Variants in TFEB observed in about 807,000 individuals in gnomAD.
TFEB encodes the protein transcription factor EB, also known as T-cell transcription factor EB.
Under a neutral mutation model 48.0 loss-of-function variants are expected in TFEB, and 12 were observed. The ratio of observed to expected loss-of-function variants is 0.25; its 90% CI spans 0.16 to 0.40. The LOEUF (loss-of-function observed/expected upper bound fraction) is 0.40, where lower values mean the gene tolerates loss of function less well. TFEB is among the 10% of genes least tolerant of loss of function. TFEB has a pLI of 1.00. For missense variants in TFEB, 509 were observed against 640.3 expected (o/e 0.79, Z 2.21); for synonymous variants, 244 against 261.4 (o/e 0.93, Z 0.64).
chr6:41,687,893 A>G lies in TFEB; in HGVS notation c.670+15T>C, dbSNP rs768695619. 4 of 1,612,130 alleles carry G rather than the reference A, an allele frequency of 2.5e-6. No homozygotes were observed. In the South Asian group the frequency reaches 4.4e-5, roughly 18 times the overall value. ...GTCGGGTATTCAAAGGCACAGGGGT[A>G]GAGGGAGGCAGTACCTGTGAGCTCT... On this transcript the variant is annotated intron_variant, in intron 5 of 8. Coordinates refer to ENST00000373033, the MANE Select transcript of TFEB (RefSeq NM_001271944.2).
chr6:41,698,704 G>A (rs1475257035), intron 1 of TFEB, among the ~76,000 whole-genome samples: 2 of 152,132 alleles, frequency 1.3e-5, no homozygotes, highest in Non-Finnish European at 2.9e-5. Flanking sequence ...GAAACTGACC[G>A]CTAAACAAAA....
Position 41,723,484 on chromosome 6 carries a change from A to T in TFEB, c.-23+11866T>A. 2.3e-6 allele frequency: 3 copies of T among 1,289,462 alleles called. No homozygotes were observed. The South Asian group carries it at 3.7e-5, about 16-fold the overall frequency. The allele number at this position is 1,289,462 out of a possible 1,614,324, so 79.9% of individuals were successfully genotyped here. Reference sequence around the variant, plus strand: ...ACCTTCGAGAGGGCAGCCCCCTGGAAGGAGGCCCCTGGAATGCTCAGCTCC... The same window carrying T: ...ACCTTCGAGAGGGCAGCCCCCTGGATGGAGGCCCCTGGAATGCTCAGCTCC... On this transcript the variant is annotated intron_variant, in intron 1 of 8. Coordinates refer to ENST00000373033, the MANE Select transcript of TFEB (RefSeq NM_001271944.2). This position sits in a 1 kb window ranked among gnomAD's most constrained non-coding sequence, Gnocchi z 6.0.
Position 41,735,343 on chromosome 6 carries a change from C to T in TFEB, c.-23+7G>A, listed in dbSNP as rs561817438. On this transcript the variant is annotated splice_region_variant and intron_variant, in intron 1 of 8. Transcript: ENST00000373033. ...CCTCGTGCCTCTCGCTCCCCGGTCC[C>T]GCTCACCTCGCTCTGAAGGTCAATC... 1.6e-5 allele frequency: 16 copies of T among 985,136 alleles called. No homozygotes were observed. The African/African-American group carries it at 2.6e-4, about 16-fold the overall frequency. The allele number at this position is 985,136 out of a possible 1,614,324, so 61.0% of individuals were successfully genotyped here.
Position 41,684,773 on chromosome 6 carries a change from C to T in TFEB, c.1257G>A (p.Pro419=), listed in dbSNP as rs752025803. Residue 419 remains proline, a synonymous_variant, in exon 9 of 9, where the codon CCG becomes CCA. Coordinates refer to ENST00000373033, the MANE Select transcript of TFEB (RefSeq NM_001271944.2). ...GGCTGGGGAATGGGGAGCCATGCCC[C>T]GGCGCCAGGGGTTCGGGGTAGCCCG... ...GPPGYPEPLA[P]GHGSPFPSLS... is the part of the protein sequence containing the mutation. 1.5e-4 allele frequency: 244 copies of T among 1,611,482 alleles called. No individual in the cohort carries two copies. Among genetic ancestry groups the T allele is most frequent in the Non-Finnish European group, 1.9e-4 (219 of 1,179,038 alleles).
rs1019767493 is a variant in TFEB at position 41,691,694 on chromosome 6, G to A, written c.-22-459C>T. Among the ~76,000 whole-genome samples the A allele has an allele frequency of 6.6e-6, 1 of 152,094 alleles. No individual in the cohort carries two copies. The highest frequency in any genetic ancestry group is 1.5e-5 in the Non-Finnish European group (1 of 68,024). On this transcript the variant is annotated intron_variant, in intron 1 of 8. Coordinates refer to ENST00000373033, the MANE Select transcript of TFEB (RefSeq NM_001271944.2). The surrounding 1 kb of genome is among the most constrained non-coding windows in gnomAD (Gnocchi z 5.2). ...GACGTTCTACTGGCAACTCAGTAGA[G>A]CAACTCATTTAACTCCTGTTAAATC...
Position 41,735,481 on chromosome 6 carries a change from G to C in TFEB, c.-154C>G. The C allele has an allele frequency of 3.0e-6, 3 of 984,682 alleles. No homozygotes were observed. Among genetic ancestry groups the C allele is most frequent in the Non-Finnish European group, 3.6e-6 (3 of 829,724 alleles). 61.0% of individuals were successfully genotyped at this position (984,682 alleles called of 1,614,324 possible). On this transcript the variant is annotated 5_prime_UTR_variant, in exon 1 of 9. Coordinates refer to ENST00000373033, the MANE Select transcript of TFEB (RefSeq NM_001271944.2). Reference sequence around the variant, plus strand: ...CCTGCTCCGGCCCCGTGCCACCAGGGAGGCCCGCCCCGTCCGCCCTTCCCG... The same window carrying C: ...CCTGCTCCGGCCCCGTGCCACCAGGCAGGCCCGCCCCGTCCGCCCTTCCCG...
At position 41,691,143 on chromosome 6, in the gene TFEB, C is replaced by T. The variant is rs779275045; in HGVS notation, c.71G>A (p.Arg24His). Residue 24 changes from arginine to histidine, a missense_variant, in exon 2 of 9, where the codon CGC becomes CAC. Physicochemically the swap from Arg to His is conservative, Grantham distance 29. This residue lies in a region of TFEB where 251 missense variants were observed against 317.2 expected (regional missense o/e 0.79). Coordinates refer to ENST00000373033, the MANE Select transcript of TFEB (RefSeq NM_001271944.2). The surrounding 1 kb of genome is among the most constrained non-coding windows in gnomAD (Gnocchi z 5.2). Reference sequence around the variant, plus strand: ...ATGCATGACAGCCTGTTGCTGCATGCGCTCCCGCTGCTCCTCCTGCTGCGC... The same window carrying T: ...ATGCATGACAGCCTGTTGCTGCATGTGCTCCCGCTGCTCCTCCTGCTGCGC... ...EQAQQEEQRE[R>H]MQQQAVMHYM... 20 of 1,588,336 alleles carry T rather than the reference C, an allele frequency of 1.3e-5. No homozygotes were observed. Among genetic ancestry groups the T allele is most frequent in the Admixed American group, 5.2e-5 (3 of 57,188 alleles).
intron 1 of TFEB, among the ~76,000 whole-genome samples, chr6:41,702,789 A>C (rs1030936677): frequency 2.0e-5 from 3 of 152,170 alleles, no homozygotes; most frequent in Non-Finnish European, 4.4e-5. Flanking sequence ...AAGCCTACCT[A>C]AGGCCAGAGT....
intron 1 of TFEB, among the ~76,000 whole-genome samples, chr6:41,727,364 A>G (rs570315670): frequency 5.1e-4 from 78 of 152,294 alleles, no homozygotes; most frequent in African/African-American, 1.8e-3. Flanking sequence ...AACTAGATGG[A>G]GGCTCAGAGG....
intron 6 of TFEB, 94 bp downstream of exon 6, chr6:41,687,659 C>G (rs1386337788): frequency 1.0e-5 from 16 of 1,525,004 alleles, no homozygotes; most frequent in South Asian, 2.3e-5. Flanking sequence ...AGCAGGGAAG[C>G]CTTCCACCAG....
intron 4 of TFEB, among the ~76,000 whole-genome samples, chr6:41,688,862 T>G (rs1769148703): frequency 6.6e-6 from 1 of 152,106 alleles, no homozygotes; most frequent in Admixed American, 6.6e-5. Flanking sequence ...CTGGGGACTT[T>G]CCCTTGGTGG....
intron 1 of TFEB, chr6:41,733,871 C>T: frequency 1.0e-6 from 1 of 985,858 alleles, no homozygotes. Flanking sequence ...CAGAAGGAAA[C>T]CAGAGACCAG....
At chr6:41,721,765 G>A (rs1362786771) in intron 1 of TFEB, among the ~76,000 whole-genome samples, 1 of 152,150 alleles carries the variant, frequency 6.6e-6, no homozygotes, top group Non-Finnish European at 1.5e-5. Flanking sequence ...CATTTTAAAT[G>A]TGGTGAAACT....
At chr6:41,717,512 G>A (rs1347653371) in intron 1 of TFEB, among the ~76,000 whole-genome samples, 2 of 152,206 alleles carry the variant, frequency 1.3e-5, no homozygotes, top group African/African-American at 2.4e-5. Flanking sequence ...TGAGGAGAAT[G>A]AGGCTCAGGA....
At chr6:41,710,989 T>C (rs1883815) in intron 1 of TFEB, among the ~76,000 whole-genome samples, 66,212 of 152,072 alleles carry the variant, frequency 0.44, 15,794 homozygotes, top group African/African-American at 0.63. Flanking sequence ...CCCTATGGTT[T>C]TTACAATCCA....
At chr6:41,688,803 G>T (rs924295481) in intron 4 of TFEB, among the ~76,000 whole-genome samples, 1 of 152,194 alleles carries the variant, frequency 6.6e-6, no homozygotes, top group African/African-American at 2.4e-5. Flanking sequence ...GCCACTCAGC[G>T]ATGTCACCAG....
rs1332006781 is a variant in TFEB, at chr6:41,691,901, C to A, written c.-22-666G>T. The stretch of plus-strand genomic sequence containing the variant: ...GTTTTATCTGCTCCGGCTACATCCT[C>A]CAGGCACTTTGAAATCCCCGAAACA... On this transcript the variant is annotated intron_variant, in intron 1 of 8. Coordinates refer to ENST00000373033, the MANE Select transcript of TFEB (RefSeq NM_001271944.2). This position sits in a 1 kb window ranked among gnomAD's most constrained non-coding sequence, Gnocchi z 5.2. Among the ~76,000 whole-genome samples the A allele has an allele frequency of 6.6e-6, 1 of 152,130 alleles. No homozygotes were observed. The highest frequency in any genetic ancestry group is 1.9e-4 in the East Asian group (1 of 5,186).
In TFEB at chr6:41,723,949, C is replaced by T; in HGVS notation, c.-23+11401G>A. The T allele has an allele frequency of 2.0e-6, 1 of 511,072 alleles. No individual in the cohort carries two copies. Among genetic ancestry groups the T allele is most frequent in the South Asian group, 1.4e-5 (1 of 69,792 alleles). The allele number at this position is 511,072 out of a possible 1,614,324, so 31.7% of individuals were successfully genotyped here. ...GCCCCGCTTCCTAGAGACATGTGTC[C>T]TTCTAGCCAGAAGCCCCACAGCTCA... On this transcript the variant is annotated intron_variant, in intron 1 of 8. Transcript: ENST00000373033. This position sits in a 1 kb window ranked among gnomAD's most constrained non-coding sequence, Gnocchi z 6.0.
intron 1 of TFEB, among the ~76,000 whole-genome samples, chr6:41,721,372 T>TACACACACAC (rs58269771): frequency 1.1e-3 from 154 of 144,794 alleles, no homozygotes; most frequent in African/African-American, 3.6e-3. Flanking sequence ...TAGGCACACA[T>TACACACACAC]ACACACACAC....
Sources: gnomAD v4.1 joint callset for allele counts (sites outside exome capture counted in the v4.1 genomes callset) on GRCh38, gnomAD v4.1.1 for gene constraint, gnomAD v4.1.1 regional missense constraint, Gnocchi (gnomAD v3.1) non-coding constraint, MANE v1.5 for transcripts, NCBI Gene and HGNC (gene_info 2026-07-23, HGNC 2026-07-21) for gene names.